Variants in WBP2NL observed in about 807,000 individuals in gnomAD.
WBP2NL encodes the protein WBP2 N-terminal like.
Under a neutral mutation model 23.3 loss-of-function variants are expected in WBP2NL, and 27 were observed. The observed-to-expected ratio is 1.16, with a 90% CI of 0.85 to 1.60. WBP2NL has a LOEUF of 1.60. WBP2NL is among the 40% of genes most tolerant of loss of function. The pLI is 0.00. For synonymous variants in WBP2NL, 151 were observed against 145.9 expected (o/e 1.03, Z -0.25); for missense variants, 370 against 389.5 (o/e 0.95, Z 0.42).
chr22:42,044,978 T>C (rs1347732498), intron 8 of WBP2NL, among the ~76,000 whole-genome samples: 1 of 151,296 alleles, frequency 6.6e-6, no homozygotes, highest in Non-Finnish European at 1.5e-5. Flanking sequence ...ACCTGGCTAA[T>C]TTTTTTTTCT....
chr22:42,049,861 C>T (rs923575372), intron 8 of WBP2NL, among the ~76,000 whole-genome samples: 1 of 150,916 alleles, frequency 6.6e-6, no homozygotes, highest in Admixed American at 6.6e-5. Flanking sequence ...CCTATAATCC[C>T]AGCTACTGGG....
At chr22:42,018,383 TGGAA>T (rs1010249201) in intron 1 of WBP2NL, among the ~76,000 whole-genome samples, 1 of 78,820 alleles carries the variant, frequency 1.3e-5, no homozygotes, top group Admixed American at 1.5e-4. Context: ...AAGAAGGAAA[TGGAA>T]GGAAAGAAGG....
chr22:42,045,518 T>G (rs892487007), intron 8 of WBP2NL, among the ~76,000 whole-genome samples: 2 of 152,060 alleles, frequency 1.3e-5, no homozygotes, highest in African/African-American at 4.8e-5. Context: ...TGAAGTGAAA[T>G]TTCATAGAAA....
chr22:42,001,262 C>T (rs1393835376), intron 1 of WBP2NL: 4 of 690,502 alleles, frequency 5.8e-6, no homozygotes, highest in Non-Finnish European at 1.1e-5. Context: ...CATGTAGCAG[C>T]AAATGGTGTT....
At chr22:42,047,364 G>T (rs563620036) in intron 8 of WBP2NL, among the ~76,000 whole-genome samples, 1 of 151,112 alleles carries the variant, frequency 6.6e-6, no homozygotes, top group South Asian at 2.1e-4. Flanking sequence ...CAGAACCATG[G>T]CCAGATGTGG....
At chr22:42,034,689 C>T (rs968623441), downstream of WBP2NL, among the ~76,000 whole-genome samples, 2 of 152,284 alleles carry the variant, frequency 1.3e-5, no homozygotes, top group East Asian at 3.9e-4. Context: ...TCTGCAATCT[C>T]GACCATAAGA....
chr22:42,000,290 T>C (rs1024156980), intron 1 of WBP2NL, among the ~76,000 whole-genome samples: 11 of 152,212 alleles, frequency 7.2e-5, no homozygotes, highest in African/African-American at 2.2e-4. Context: ...TCTCACCTGC[T>C]TCCTACGTAC....
intron 8 of WBP2NL, among the ~76,000 whole-genome samples, chr22:42,040,277 C>A (rs1442382848): frequency 1.3e-5 from 2 of 150,144 alleles, no homozygotes; most frequent in Non-Finnish European, 3.0e-5. Flanking sequence ...GGCTGGAGTG[C>A]AATGGTGCGA....
chr22:42,001,592 G>A, intron 1 of WBP2NL: 1 of 1,135,072 alleles, frequency 8.8e-7, no homozygotes, highest in Admixed American at 1.7e-5. Flanking sequence ...ACACAAGGAT[G>A]TGGCCCCAGT....
intron 1 of WBP2NL, among the ~76,000 whole-genome samples, chr22:42,005,779 A>T (rs1922172500): frequency 6.6e-6 from 1 of 152,202 alleles, no homozygotes; most frequent in South Asian, 2.1e-4. Context: ...AAATTTAAAT[A>T]TGTGGGATCA....
chr22:42,012,624 A>G (rs1411638457), intron 1 of WBP2NL, among the ~76,000 whole-genome samples: 1 of 151,948 alleles, frequency 6.6e-6, no homozygotes, highest in African/African-American at 2.4e-5. Flanking sequence ...TTTTTTGTTT[A>G]TTTGGTAATG....
At chr22:42,050,319 T>TA (rs1398164230) in intron 8 of WBP2NL, among the ~76,000 whole-genome samples, 1 of 150,816 alleles carries the variant, frequency 6.6e-6, no homozygotes, top group East Asian at 2.0e-4. Context: ...ATCCAACTCT[T>TA]ACAACTCAAT....
At chr22:41,998,946 C>G in intron 1 of WBP2NL, 66 bp downstream of exon 1, 1 of 1,523,312 alleles carries the variant, frequency 6.6e-7, no homozygotes, top group Non-Finnish European at 8.9e-7. Context: ...CATGGCGGCT[C>G]GCAAACTCTC....
intron 1 of WBP2NL, among the ~76,000 whole-genome samples, chr22:42,015,404 C>A (rs1355317912): frequency 1.3e-5 from 2 of 151,948 alleles, no homozygotes; most frequent in African/African-American, 4.8e-5. Context: ...CTTTTTGCAT[C>A]ATTTCCTTTT....
chr22:42,028,445 A>G lies in WBP2NL; in HGVS notation c.*1264A>G, dbSNP rs1924699114. The G allele has an allele frequency of 5.9e-6, 1 of 170,874 alleles. No individual in the cohort carries two copies. The highest frequency in any genetic ancestry group is 2.4e-5 in the African/African-American group (1 of 42,248). The allele number at this position is 170,874 out of a possible 1,614,324, so 10.6% of individuals were successfully genotyped here. ...CCAAAATTAATAGGCCATAAATGTG[A>G]TAGAGGAAATAAAAGGAGTTTGTAG... On this transcript the variant is annotated 3_prime_UTR_variant, in exon 6 of 6. Transcript: ENST00000328823.
intron 5 of WBP2NL, among the ~76,000 whole-genome samples, chr22:42,023,534 G>A (rs1924169194): frequency 6.6e-6 from 1 of 150,950 alleles, no homozygotes; most frequent in African/African-American, 2.4e-5. Flanking sequence ...AGGGAGTCTT[G>A]CTCTGTCGCC....
intron 8 of WBP2NL, among the ~76,000 whole-genome samples, chr22:42,050,013 G>C (rs1487516701): frequency 6.7e-6 from 1 of 150,190 alleles, no homozygotes; most frequent in African/African-American, 2.4e-5. Context: ...GGCACATTTT[G>C]GTGTGGCACA....
downstream of WBP2NL, among the ~76,000 whole-genome samples, chr22:42,037,093 A>C (rs1925209610): frequency 6.7e-6 from 1 of 149,342 alleles, no homozygotes; most frequent in Non-Finnish European, 1.5e-5. Context: ...ATTTGAGTTG[A>C]TTGTTGTGTA....
chr22:42,052,543 G>A (rs1299222575), intron 8 of WBP2NL, among the ~76,000 whole-genome samples: 1 of 152,204 alleles, frequency 6.6e-6, no homozygotes, highest in East Asian at 1.9e-4. Flanking sequence ...GCCTCCCAGA[G>A]TGCTGGGATT....
Sources: allele counts gnomAD v4.1 joint callset (sites outside exome capture counted in the v4.1 genomes callset), GRCh38; gene constraint gnomAD v4.1.1; transcripts MANE v1.5; gene names NCBI Gene and HGNC (gene_info 2026-07-23, HGNC 2026-07-21).